MCC: variants seen among roughly 807,000 people sequenced by gnomAD.
MCC encodes the protein MCC regulator of Wnt signaling pathway.
Under a neutral mutation model 116.2 loss-of-function variants are expected in MCC, and 90 were observed. The observed-to-expected ratio is 0.77, with a 90% CI of 0.65 to 0.92. The LOEUF is 0.92. Ranked by LOEUF, MCC falls within the 40% of genes least tolerant of loss-of-function variation. The pLI is 0.00. For missense variants in MCC, 1,516 were observed against 1,312.2 expected (o/e 1.16, Z -2.40); for synonymous variants, 578 against 510.5 (o/e 1.13, Z -1.78).
chr5:113,067,321 C>A (rs573838521), intron 13 of MCC, among the ~76,000 whole-genome samples: 15 of 152,158 alleles, frequency 9.9e-5, no homozygotes, highest in African/African-American at 3.4e-4. Flanking sequence ...TCGTAAGACA[C>A]CTGGAGACCT....
chr5:113,227,522 C>T (rs961021443), intron 3 of MCC, among the ~76,000 whole-genome samples: 2 of 152,174 alleles, frequency 1.3e-5, no homozygotes, highest in African/African-American at 4.8e-5. Context: ...AGCTCCTATC[C>T]TATAGCTGTG....
intron 3 of MCC, among the ~76,000 whole-genome samples, chr5:113,172,968 ATTTG>A (rs1761149838): frequency 6.6e-6 from 1 of 152,072 alleles, no homozygotes; most frequent in Non-Finnish European, 1.5e-5. Flanking sequence ...GGACACATGA[ATTTG>A]TTTTTTAATT....
intron 1 of MCC, among the ~76,000 whole-genome samples, chr5:113,425,244 CT>C (rs2150408693): frequency 6.6e-6 from 1 of 152,282 alleles, no homozygotes; most frequent in Non-Finnish European, 1.5e-5. Context: ...TAAACAATCA[CT>C]TCAAAATTCC....
chr5:113,253,481 A>G (rs1360490951), intron 3 of MCC, among the ~76,000 whole-genome samples: 1 of 151,944 alleles, frequency 6.6e-6, no homozygotes, highest in Non-Finnish European at 1.5e-5. Flanking sequence ...ACCTTGACAC[A>G]CCCTAAAGTG....
In MCC at chr5:113,131,222, A is replaced by G. The variant is rs145269957; in HGVS notation, c.885-8396T>C. On this transcript the variant is annotated intron_variant, in intron 5 of 18. Transcript: ENST00000408903. The stretch of plus-strand genomic sequence containing the variant: ...AAATAACCTCCTTGGGAAAGAAAAG[A>G]TCTCATGTTTAATTTGCTTAGAAAT... 1.5e-4 allele frequency among the ~76,000 whole-genome samples: 23 copies of G among 152,222 alleles called. No individual in the cohort carries two copies. The Middle Eastern group carries it at 0.01, about 68-fold the overall frequency.
chr5:113,229,288 A>C (rs1277130859), intron 3 of MCC, among the ~76,000 whole-genome samples: 2 of 152,238 alleles, frequency 1.3e-5, no homozygotes, highest in Non-Finnish European at 2.9e-5. Flanking sequence ...ATGCCTATTT[A>C]AAATGTTCAG....
At chr5:113,485,956 TAC>T (rs1183664597) in intron 1 of MCC, among the ~76,000 whole-genome samples, 1 of 152,308 alleles carries the variant, frequency 6.6e-6, no homozygotes, top group Non-Finnish European at 1.5e-5. Context: ...CATCACCCAC[TAC>T]AGAGTGGTAA....
At chr5:113,352,689 T>TTTGAGA (rs1554078309) in intron 2 of MCC, among the ~76,000 whole-genome samples, 1 of 48,530 alleles carries the variant, frequency 2.1e-5, no homozygotes, top group South Asian at 3.9e-4. Flanking sequence ...AAAGGGTTCA[T>TTTGAGA]GAATGCACTC....
intron 1 of MCC, among the ~76,000 whole-genome samples, chr5:113,403,505 A>C (rs1387145268): frequency 6.6e-6 from 1 of 152,238 alleles, no homozygotes; most frequent in African/African-American, 2.4e-5. Flanking sequence ...TTCATGTTTC[A>C]GAAATTTGTA....
At chr5:113,220,875 G>A (rs1561466772) in intron 3 of MCC, among the ~76,000 whole-genome samples, 1 of 152,168 alleles carries the variant, frequency 6.6e-6, no homozygotes, top group Admixed American at 6.5e-5. Context: ...CAGACGTGGT[G>A]AACACTTTTA....
intron 6 of MCC, among the ~76,000 whole-genome samples, chr5:113,114,674 G>T (rs1427425860): frequency 6.6e-6 from 1 of 152,148 alleles, no homozygotes; most frequent in East Asian, 1.9e-4. Flanking sequence ...AGAAACTGTG[G>T]TTTGATGTCA....
At chr5:113,059,250 C>T (rs1330925474) in intron 14 of MCC, among the ~76,000 whole-genome samples, 1 of 152,198 alleles carries the variant, frequency 6.6e-6, no homozygotes, top group East Asian at 1.9e-4. Flanking sequence ...CAAGATAAAC[C>T]TCACAGCCCC....
At chr5:113,269,344 T>C (rs2150352298) in intron 3 of MCC, 1 of 312,690 alleles carries the variant, frequency 3.2e-6, no homozygotes, top group African/African-American at 2.2e-5. Flanking sequence ...TGATAAAGAA[T>C]GCTTATGTGG....
chr5:113,122,896 T>TTCTTGTCCTTA, intron 5 of MCC, 70 bp from the exon 6 acceptor site: 3 of 1,504,588 alleles, frequency 2.0e-6, no homozygotes, highest in Non-Finnish European at 2.8e-6. Context: ...ATATGTCTTT[T>TTCTTGTCCTTA]AAGGACAAGA....
chr5:113,470,608 C>T (rs1343599599), intron 1 of MCC, among the ~76,000 whole-genome samples: 2 of 152,116 alleles, frequency 1.3e-5, no homozygotes, highest in Admixed American at 6.6e-5. Flanking sequence ...TCTGGCTGCC[C>T]TTAACATTTT....
intron 1 of MCC, among the ~76,000 whole-genome samples, chr5:113,457,359 G>A (rs543046837): frequency 5.3e-5 from 8 of 152,350 alleles, no homozygotes; most frequent in Admixed American, 1.3e-4. Flanking sequence ...TGGATTTCTC[G>A]CCGGGCCTTA....
chr5:113,036,495 C>A (rs1751339554), intron 17 of MCC, among the ~76,000 whole-genome samples: 1 of 152,214 alleles, frequency 6.6e-6, no homozygotes, highest in South Asian at 2.1e-4. Flanking sequence ...CTCTGCTTAA[C>A]AGTGCAGCCC....
chr5:113,072,316 C>T (rs890640458), intron 11 of MCC, among the ~76,000 whole-genome samples: 5 of 152,230 alleles, frequency 3.3e-5, no homozygotes, highest in African/African-American at 9.6e-5. Flanking sequence ...ACTAAGATCA[C>T]TGCCAGGCTC....
At chr5:113,442,430 T>C (rs553437602) in intron 1 of MCC, among the ~76,000 whole-genome samples, 37 of 152,220 alleles carry the variant, frequency 2.4e-4, no homozygotes, top group Non-Finnish European at 4.7e-4. Flanking sequence ...TGCAAAAACT[T>C]TCTCCTATTC....
Sources: gnomAD v4.1 joint callset for allele counts (sites outside exome capture counted in the v4.1 genomes callset) on GRCh38, gnomAD v4.1.1 for gene constraint, MANE v1.5 for transcripts, NCBI Gene and HGNC (gene_info 2026-07-23, HGNC 2026-07-21) for gene names.